The following GRAMD1B variants were observed in gnomAD, a reference collection of about 807,000 sequenced individuals.
GRAMD1B encodes the protein GRAM domain containing 1B, also known as protein Aster-B.
Under a neutral mutation model 99.7 loss-of-function variants are expected in GRAMD1B, and 37 were observed. The observed-to-expected ratio is 0.37, with a 90% CI of 0.29 to 0.49. The LOEUF (loss-of-function observed/expected upper bound fraction) is 0.49, where lower values mean the gene tolerates loss of function less well. Among genes scored for constraint, GRAMD1B ranks in the 20% least tolerant of loss-of-function variants. GRAMD1B has a pLI of 0.98. For missense variants in GRAMD1B, 888 were observed against 1,009.2 expected (o/e 0.88, Z 1.63); for synonymous variants, 427 against 387.6 (o/e 1.10, Z -1.19).
intron 2 of GRAMD1B, among the ~76,000 whole-genome samples, chr11:123,483,606 TC>T (rs1394255946): frequency 1.3e-5 from 2 of 152,142 alleles, no homozygotes; most frequent in African/African-American, 4.8e-5. Context: ...CTGGCTGCTC[TC>T]AACTCCTGAG....
intron 2 of GRAMD1B, among the ~76,000 whole-genome samples, chr11:123,537,450 C>G (rs1944082537): frequency 6.6e-6 from 1 of 152,222 alleles, no homozygotes; most frequent in Non-Finnish European, 1.5e-5. Flanking sequence ...AGAGGCTTAA[C>G]TTCACAAACC....
chr11:123,447,474 A>G (rs1376470809), intron 1 of GRAMD1B, among the ~76,000 whole-genome samples: 1 of 152,202 alleles, frequency 6.6e-6, no homozygotes, highest in African/African-American at 2.4e-5. Flanking sequence ...CATGACGCTC[A>G]GGCTGGGCCC....
At chr11:123,409,001 G>A (rs1338262173) in intron 1 of GRAMD1B, among the ~76,000 whole-genome samples, 1 of 152,122 alleles carries the variant, frequency 6.6e-6, no homozygotes, top group Non-Finnish European at 1.5e-5. Flanking sequence ...TCTTTTTTAT[G>A]TTATTATTAT....
chr11:123,417,739 C>T (rs527351274), intron 1 of GRAMD1B, among the ~76,000 whole-genome samples: 1 of 152,108 alleles, frequency 6.6e-6, no homozygotes, highest in East Asian at 1.9e-4. Flanking sequence ...GAGTTCGAGA[C>T]CAGCCTGGAC....
intron 2 of GRAMD1B, among the ~76,000 whole-genome samples, chr11:123,493,765 C>G (rs1408725281): frequency 6.6e-6 from 1 of 152,104 alleles, no homozygotes; most frequent in African/African-American, 2.4e-5. Flanking sequence ...TCAGTAGAGG[C>G]CCCAGATGTT....
chr11:123,433,044 G>A (rs953590028), intron 1 of GRAMD1B, among the ~76,000 whole-genome samples: 2 of 152,098 alleles, frequency 1.3e-5, no homozygotes, highest in African/African-American at 4.8e-5. Flanking sequence ...CTTGGTGGGA[G>A]CTAACCTTGA....
At chr11:123,489,374 T>C (rs1354541562) in intron 2 of GRAMD1B, among the ~76,000 whole-genome samples, 2 of 152,194 alleles carry the variant, frequency 1.3e-5, no homozygotes. Context: ...AGTGCTCATT[T>C]GGCAGTGACC....
chr11:123,621,306 A>G (rs913139431), intron 19 of GRAMD1B, among the ~76,000 whole-genome samples: 1 of 152,172 alleles, frequency 6.6e-6, no homozygotes, highest in African/African-American at 2.4e-5. Flanking sequence ...TAAATATATG[A>G]TGGTATGATG....
At chr11:123,397,173 G>A (rs1947493824) in intron 1 of GRAMD1B, among the ~76,000 whole-genome samples, 1 of 152,180 alleles carries the variant, frequency 6.6e-6, no homozygotes, top group Non-Finnish European at 1.5e-5. Context: ...GGAGGCAGAG[G>A]CGGGAGGATC....
intron 1 of GRAMD1B, among the ~76,000 whole-genome samples, chr11:123,480,326 A>C (rs1264892789): frequency 6.6e-6 from 1 of 152,024 alleles, no homozygotes; most frequent in Non-Finnish European, 1.5e-5. Flanking sequence ...GGAGAAGCAG[A>C]CTAGGTGACC....
intron 1 of GRAMD1B, among the ~76,000 whole-genome samples, chr11:123,469,776 T>TTCCTTCCTTCCTTCATTCCTTCC (rs59192957): frequency 7.7e-6 from 1 of 129,944 alleles, no homozygotes; most frequent in African/African-American, 3.1e-5. Flanking sequence ...TTTCTCTTTC[T>TTCCTTCCTTCCTTCATTCCTTCC]TTCCTTCCTT....
intron 1 of GRAMD1B, among the ~76,000 whole-genome samples, chr11:123,445,141 C>T (rs1272121648): frequency 6.6e-6 from 1 of 152,202 alleles, no homozygotes; most frequent in Non-Finnish European, 1.5e-5. Flanking sequence ...AGGTACATTT[C>T]TGAAGCACTA....
At chr11:123,568,307 A>C (rs1333816472) in intron 2 of GRAMD1B, among the ~76,000 whole-genome samples, 1 of 152,234 alleles carries the variant, frequency 6.6e-6, no homozygotes, top group Non-Finnish European at 1.5e-5. Context: ...GATGGCCCAC[A>C]GTAGCTGGTT....
chr11:123,396,564 C>A (rs955566008), intron 1 of GRAMD1B, among the ~76,000 whole-genome samples: 7 of 152,310 alleles, frequency 4.6e-5, no homozygotes, highest in African/African-American at 1.7e-4. Flanking sequence ...GCATGAGCCA[C>A]CACTCCCAGC....
At chr11:123,496,910 C>T (rs767630577) in intron 2 of GRAMD1B, among the ~76,000 whole-genome samples, 28 of 152,056 alleles carry the variant, frequency 1.8e-4, no homozygotes, top group East Asian at 1.2e-3. Context: ...TTGAATTCTC[C>T]GTCTGAAAAG....
rs1254150810 is a variant in GRAMD1B at position 123,608,747 on chromosome 11, C to A, written c.1602C>A (p.Leu534=). Residue 534 remains leucine (L), a synonymous_variant, in exon 12 of 20, where the codon CTC becomes CTA. Transcript: ENST00000635736. ...FNFSVDKLYD[L]LFTNSPFQRD... is the part of the protein sequence containing the mutation. ...TCAGCGTGGACAAGCTCTATGACCT[C>A]CTCTTCACCAACTCGCCCTTCCAGC... 6.4e-7 allele frequency: 1 copy of A among 1,553,198 alleles called. No individual in the cohort carries two copies.
At chr11:123,465,715 G>A (rs1950626093) in intron 1 of GRAMD1B, among the ~76,000 whole-genome samples, 1 of 151,324 alleles carries the variant, frequency 6.6e-6, no homozygotes, top group African/African-American at 2.4e-5. Context: ...GTTGCAGTAA[G>A]CTGAGATCAC....
chr11:123,382,774 A>C (rs1946924141), intron 1 of GRAMD1B, among the ~76,000 whole-genome samples: 1 of 152,190 alleles, frequency 6.6e-6, no homozygotes, highest in South Asian at 2.1e-4. Context: ...GGATATCAGC[A>C]AAGGATAAAT....
chr11:123,621,089 A>G (rs904367833), intron 19 of GRAMD1B, among the ~76,000 whole-genome samples: 1 of 152,118 alleles, frequency 6.6e-6, no homozygotes, highest in Admixed American at 6.5e-5. Flanking sequence ...TTTTGTTTCA[A>G]TCCCTTTAAA....
Sources: gnomAD v4.1 joint callset for allele counts (sites outside exome capture counted in the v4.1 genomes callset) on GRCh38, gnomAD v4.1.1 for gene constraint, MANE v1.5 for transcripts, NCBI Gene and HGNC (gene_info 2026-07-23, HGNC 2026-07-21) for gene names.